Variants in ZNF407 observed in about 807,000 individuals in gnomAD.
The protein encoded by ZNF407 is zinc finger protein 407.
A neutral mutation model predicts 131.2 loss-of-function variants in ZNF407; 17 were observed. The ratio of observed to expected loss-of-function variants is 0.13; its 90% CI spans 0.09 to 0.19. The LOEUF is 0.19. Among genes scored for constraint, ZNF407 ranks in the 10% least tolerant of loss-of-function variants. ZNF407 has a pLI of 1.00. For synonymous variants in ZNF407, 1,156 were observed against 1,062.0 expected (o/e 1.09, Z -1.72); for missense variants, 2,681 against 2,830.6 (o/e 0.95, Z 1.20).
intron 8 of ZNF407, chr18:75,062,430 C>T (rs959094323): frequency 1.3e-5 from 2 of 152,186 alleles, no homozygotes; most frequent in Non-Finnish European, 2.9e-5. Flanking sequence ...AGCCCGCTGC[C>T]CAGTTCTGCA....
intron 8 of ZNF407, among the ~76,000 whole-genome samples, chr18:75,024,486 T>A (rs1277519833): frequency 1.3e-5 from 2 of 152,252 alleles, no homozygotes; most frequent in Admixed American, 6.5e-5. Flanking sequence ...CAACACTTTT[T>A]GTGACCTATT....
intron 4 of ZNF407, among the ~76,000 whole-genome samples, chr18:74,797,009 A>G (rs1969932160): frequency 6.6e-6 from 1 of 152,210 alleles, no homozygotes; most frequent in African/African-American, 2.4e-5. Flanking sequence ...TCTAGACCTC[A>G]AGGAATGGAA....
intron 4 of ZNF407, among the ~76,000 whole-genome samples, chr18:74,806,050 A>G (rs1970104519): frequency 1.3e-5 from 2 of 152,328 alleles, no homozygotes; most frequent in African/African-American, 2.4e-5. Context: ...TTATCCTTAT[A>G]CACTAGAACT....
At chr18:74,822,771 GTTTAAAGTAGTTTTTTTTCCAC>G (rs1347071043) in intron 4 of ZNF407, among the ~76,000 whole-genome samples, 1 of 152,106 alleles carries the variant, frequency 6.6e-6, no homozygotes, top group Non-Finnish European at 1.5e-5. Flanking sequence ...TTCACATGAA[GTTTAAAGTAGTTTTTTTTCCAC>G]TTCTGTGAAG....
At chr18:74,999,210 AG>A (rs1261063061) in intron 8 of ZNF407, among the ~76,000 whole-genome samples, 2 of 83,398 alleles carry the variant, frequency 2.4e-5, no homozygotes, top group Non-Finnish European at 4.7e-5. Context: ...GGGTCGGGGG[AG>A]GGGGGAGGGA....
intron 7 of ZNF407, among the ~76,000 whole-genome samples, chr18:74,909,298 CATTT>C (rs1389726124): frequency 6.6e-6 from 1 of 151,926 alleles, no homozygotes; most frequent in Non-Finnish European, 1.5e-5. Flanking sequence ...TAGTTGAACT[CATTT>C]GTGTTTAATA....
chr18:74,611,718 C>T (rs1176622186), intron 1 of ZNF407, among the ~76,000 whole-genome samples: 1 of 152,130 alleles, frequency 6.6e-6, no homozygotes, highest in Non-Finnish European at 1.5e-5. Flanking sequence ...TAATTCCACT[C>T]AGTCTTTATC....
intron 3 of ZNF407, among the ~76,000 whole-genome samples, chr18:74,757,902 A>G (rs1219383565): frequency 1.3e-5 from 2 of 152,102 alleles, no homozygotes. Context: ...GCTTCTAGTA[A>G]CAATCTTCCT....
intron 3 of ZNF407, among the ~76,000 whole-genome samples, chr18:74,772,357 C>T (rs1039201098): frequency 6.6e-6 from 1 of 152,090 alleles, no homozygotes; most frequent in Non-Finnish European, 1.5e-5. Flanking sequence ...ATCTAAATCC[C>T]ATGTCAGAGT....
intron 1 of ZNF407, among the ~76,000 whole-genome samples, chr18:74,604,802 T>C (rs1982731100): frequency 6.6e-6 from 1 of 152,226 alleles, no homozygotes; most frequent in South Asian, 2.1e-4. Flanking sequence ...TTTTGAGGTA[T>C]ATACTACATT....
intron 4 of ZNF407, among the ~76,000 whole-genome samples, chr18:74,867,176 A>G (rs1971024454): frequency 6.6e-6 from 1 of 152,184 alleles, no homozygotes; most frequent in Non-Finnish European, 1.5e-5. Context: ...AATAAATTTA[A>G]ATCCCATGTG....
chr18:74,728,624 G>C (rs979916112), intron 3 of ZNF407, among the ~76,000 whole-genome samples: 1 of 152,226 alleles, frequency 6.6e-6, no homozygotes, highest in African/African-American at 2.4e-5. Context: ...CACCGAGGGA[G>C]AGATGTACAG....
intron 1 of ZNF407, among the ~76,000 whole-genome samples, chr18:74,601,129 T>G (rs1044580323): frequency 6.6e-6 from 1 of 152,090 alleles, no homozygotes; most frequent in Non-Finnish European, 1.5e-5. Context: ...CTGCTTCGGG[T>G]GACTGGGTGG....
chr18:74,881,092 C>T lies in ZNF407; in HGVS notation c.5101C>T (p.Leu1701Phe). 6.3e-7 allele frequency: 1 copy of T among 1,581,412 alleles called. No homozygotes were observed. Among genetic ancestry groups the T allele is most frequent in the Non-Finnish European group, 8.6e-7 (1 of 1,163,230 alleles). ...CGFAGGTRHA[L>F]TKHRRQHTGE... ...CTTTGCCGGCGGGACCCGCCACGCC[C>T]TCACCAAGCATCGCAGACAGCACAC... Residue 1701 changes from leucine (L) to phenylalanine (F), a missense_variant, in exon 6 of 9, where the codon CTC (leucine) becomes TTC (phenylalanine). Leu to Phe is a conservative substitution (Grantham distance 22). Coordinates refer to ENST00000299687, the MANE Select transcript of ZNF407 (RefSeq NM_017757.3).
At chr18:74,672,596 G>A (rs114392183) in intron 3 of ZNF407, among the ~76,000 whole-genome samples, 2 of 144,434 alleles carry the variant, frequency 1.4e-5, no homozygotes, top group African/African-American at 5.7e-5. Flanking sequence ...TTGTCTGTTT[G>A]TTGGAGCACT....
intron 7 of ZNF407, among the ~76,000 whole-genome samples, chr18:74,914,005 A>G (rs1381459578): frequency 6.6e-6 from 1 of 152,208 alleles, no homozygotes; most frequent in Non-Finnish European, 1.5e-5. Context: ...CCCGTGCTTT[A>G]AATTCTGTAC....
chr18:74,978,654 G>A (rs187864470), intron 8 of ZNF407, among the ~76,000 whole-genome samples: 14 of 151,700 alleles, frequency 9.2e-5, no homozygotes, highest in Non-Finnish European at 1.9e-4. Flanking sequence ...ATTGAGAAAG[G>A]AGGGGTAGAG....
At chr18:74,764,010 G>A (rs1019008799) in intron 3 of ZNF407, among the ~76,000 whole-genome samples, 2 of 151,940 alleles carry the variant, frequency 1.3e-5, no homozygotes, top group African/African-American at 4.8e-5. Flanking sequence ...ACCGCGCCCG[G>A]CCATCTTTGA....
At chr18:74,998,034 G>A (rs1225445505) in intron 8 of ZNF407, among the ~76,000 whole-genome samples, 1 of 152,118 alleles carries the variant, frequency 6.6e-6, no homozygotes, top group African/African-American at 2.4e-5. Flanking sequence ...TGCAAGTGAT[G>A]TTCCTCATCT....
Sources: allele counts gnomAD v4.1 joint callset (sites outside exome capture counted in the v4.1 genomes callset), GRCh38; gene constraint gnomAD v4.1.1; transcripts MANE v1.5; gene names NCBI Gene and HGNC (gene_info 2026-07-23, HGNC 2026-07-21).